HMCN2: variants seen among roughly 807,000 people sequenced by gnomAD.
HMCN2 encodes the protein hemicentin-2.
A neutral mutation model predicts 377.5 loss-of-function variants in HMCN2; 325 were observed. The ratio of observed to expected loss-of-function variants is 0.86; its 90% CI spans 0.79 to 0.94. The LOEUF is 0.94. Ranked by LOEUF, HMCN2 falls within the 40% of genes least tolerant of loss-of-function variation. HMCN2 has a pLI of 0.00. For missense variants in HMCN2, 4,543 were observed against 4,725.3 expected, an observed-to-expected ratio of 0.96 and a Z score of 1.13; for synonymous variants, 2,007 against 2,046.8, an observed-to-expected ratio of 0.98 and a Z score of 0.53.
At chr9:130,420,731 T>C (rs1351571471) in intron 86 of HMCN2, among the ~76,000 whole-genome samples, 3 of 152,072 alleles carry the variant, frequency 2.0e-5, no homozygotes, top group Non-Finnish European at 4.4e-5. Flanking sequence ...TCCCTATTTA[T>C]AAGGACACAG....
chr9:130,295,986 C>G (rs7045667), intron 6 of HMCN2, among the ~76,000 whole-genome samples: 95,982 of 152,106 alleles, frequency 0.63, 30,993 homozygotes, highest in East Asian at 0.85. Context: ...TTTGGGGTTA[C>G]TTTGGGAACA....
intron 73 of HMCN2, among the ~76,000 whole-genome samples, chr9:130,396,935 C>G (rs1162029413): frequency 6.6e-6 from 1 of 152,210 alleles, no homozygotes; most frequent in African/African-American, 2.4e-5. Context: ...TGGAGATGCC[C>G]AAAGCAGCCC....
chr9:130,375,925 G>A lies in HMCN2; in HGVS notation c.7854G>A (p.Gln2618=), dbSNP rs1841352743. Residue 2618 remains glutamine (Q), a synonymous_variant, in exon 51 of 98, where the codon CAG becomes CAA. Transcript: ENST00000683500. ...ILNAQKEDAG[Q]YTCVVTNELG... ...ATGCCCAGAAGGAAGATGCTGGCCAGTACACCTGCGTGGTCACCAATGAGC... is the reference window on the plus strand; with the variant it reads ...ATGCCCAGAAGGAAGATGCTGGCCAATACACCTGCGTGGTCACCAATGAGC... 1 of 985,972 alleles carries A rather than the reference G, an allele frequency of 1.0e-6. No homozygotes were observed. The highest frequency in any genetic ancestry group is 1.2e-6 in the Non-Finnish European group (1 of 830,018). The allele number at this position is 985,972 out of a possible 1,614,324, so 61.1% of individuals were successfully genotyped here.
rs1173595947 is a variant in HMCN2, at chr9:130,310,779, T to TTCCAGTCTCGTCTCTG, written c.2350+722_2350+737dup. ...AGTTTGGTTCAGCTCGGGATGAGAA[T>TTCCAGTCTCGTCTCTG]TCCAGTCTCGTCTCTGTCCCCACCT... is the stretch of plus-strand genomic sequence containing the variant. On this transcript the variant is annotated intron_variant, in intron 15 of 97. Coordinates refer to ENST00000683500, the MANE Select transcript of HMCN2 (RefSeq NM_001291815.2). 2.1e-4 allele frequency among the ~76,000 whole-genome samples: 32 copies of TTCCAGTCTCGTCTCTG among 152,268 alleles called. 1 individual carries two copies. Among genetic ancestry groups the TTCCAGTCTCGTCTCTG allele is most frequent in the African/African-American group, 7.7e-4 (32 of 41,546 alleles).
intron 30 of HMCN2, among the ~76,000 whole-genome samples, chr9:130,352,558 T>A (rs1428932268): frequency 6.6e-6 from 1 of 152,194 alleles, no homozygotes; most frequent in Non-Finnish European, 1.5e-5. Flanking sequence ...GCATCGGTGG[T>A]GAGTGACCAG....
chr9:130,289,135 G>T (rs557232266), intron 4 of HMCN2, among the ~76,000 whole-genome samples: 3 of 152,196 alleles, frequency 2.0e-5, no homozygotes, highest in African/African-American at 7.2e-5. Context: ...AAGCCCCTCT[G>T]TCTTTTTTTC....
chr9:130,274,893 G>T (rs2131230108), intron 1 of HMCN2, among the ~76,000 whole-genome samples: 1 of 152,236 alleles, frequency 6.6e-6, no homozygotes, highest in East Asian at 1.9e-4. Context: ...TCCCCCTACT[G>T]TGGAAAATAG....
At chr9:130,306,985 C>G (rs1836902330) in intron 13 of HMCN2, 47 bp downstream of exon 13, 1 of 429,350 alleles carries the variant, frequency 2.3e-6, no homozygotes, top group South Asian at 1.7e-5. Flanking sequence ...GCCTCCTTCC[C>G]TCCCTCCTCC....
chr9:130,430,182 C>G, intron 94 of HMCN2, 102 bp from the exon 95 acceptor site: 2 of 997,390 alleles, frequency 2.0e-6, no homozygotes, highest in South Asian at 3.3e-5. Flanking sequence ...TGGCTGGATT[C>G]TAGGGAATGC....
intron 25 of HMCN2, among the ~76,000 whole-genome samples, chr9:130,344,863 G>T (rs1839262724): frequency 6.9e-6 from 1 of 144,908 alleles, no homozygotes; most frequent in Admixed American, 6.9e-5. Flanking sequence ...TATATATGTT[G>T]TGTGTGTGGT....
chr9:130,276,222 A>G (rs1361725564), intron 1 of HMCN2, among the ~76,000 whole-genome samples: 3 of 152,032 alleles, frequency 2.0e-5, no homozygotes, highest in African/African-American at 7.2e-5. Context: ...TCAATTCTCA[A>G]GGGTCCCCTG....
chr9:130,347,253 G>A lies in HMCN2; in HGVS notation c.3917G>A (p.Gly1306Glu), dbSNP rs1839438038. The A allele has an allele frequency of 6.6e-6, 1 of 152,180 alleles. No individual in the cohort carries two copies. The highest frequency in any genetic ancestry group is 1.5e-5 in the Non-Finnish European group (1 of 68,032). The allele number at this position is 152,180 out of a possible 1,614,324, so 9.4% of individuals were successfully genotyped here. The change falls in exon 26 of 98, where the codon GGG becomes GAG. Residue 1306 changes from glycine to glutamate, a missense_variant. Gly to Glu is a moderately conservative substitution (Grantham distance 98). Around this residue, in one of 5 missense-constraint regions of HMCN2, gnomAD observed 547 missense variants for 189.9 expected, o/e 2.88. Transcript: ENST00000683500. The surrounding 1 kb of genome is among the most constrained non-coding windows in gnomAD (Gnocchi z 5.1). ...GQPGVAVLEE[G>E]SLFLASVSPA... ...CCAGGTGTGGCAGTGCTGGAGGAGG[G>A]GTCTCTGTTCCTGGCCTCCGTCTCA...
rs1288849349 is a variant in HMCN2 at position 130,360,732 on chromosome 9, T to A, written c.5950+128T>A. On this transcript the variant is annotated intron_variant, in intron 38 of 97. Coordinates refer to ENST00000683500, the MANE Select transcript of HMCN2 (RefSeq NM_001291815.2). This position sits in a 1 kb window ranked among gnomAD's most constrained non-coding sequence, Gnocchi z 4.7. ...ACCACCCCATCCATCCGTTACCCCA[T>A]CCATCCATCATCCATCCAACCATCC... 5.0e-6 allele frequency: 2 copies of A among 401,726 alleles called. No homozygotes were observed. The highest frequency in any genetic ancestry group is 8.9e-5 in the Admixed American group (2 of 22,550). The allele number at this position is 401,726 out of a possible 1,614,324, so 24.9% of individuals were successfully genotyped here. A position where few individuals can be genotyped will look rare whatever the true frequency, so the allele number is the denominator to read the frequency against.
intron 62 of HMCN2, among the ~76,000 whole-genome samples, chr9:130,388,794 C>T (rs772949401): frequency 6.6e-6 from 1 of 152,112 alleles, no homozygotes; most frequent in Non-Finnish European, 1.5e-5. Flanking sequence ...TCAGTCAGCT[C>T]CCATGAGACA....
chr9:130,379,377 T>G lies in HMCN2; in HGVS notation c.8341T>G (p.Cys2781Gly), dbSNP rs1412014806. ...GGAGAACAACCCAGCCTACCTGTAC[T>G]GCGACACCAACGCGATCCCACCCCC... ...IVENNPAYLY[C>G]DTNAIPPPDL... Residue 2781 changes from cysteine (C) to glycine (G), a missense_variant, in exon 54 of 98, where the codon TGC becomes GGC. This residue lies in a region of HMCN2 where 736 missense variants were observed against 773.2 expected (regional missense o/e 0.95). Coordinates refer to ENST00000683500, the MANE Select transcript of HMCN2 (RefSeq NM_001291815.2). 2.0e-6 allele frequency: 2 copies of G among 985,682 alleles called. No homozygotes were observed. The highest frequency in any genetic ancestry group is 2.3e-4 in the East Asian group (2 of 8,822). 61.1% of individuals were successfully genotyped at this position (985,682 alleles called of 1,614,324 possible). A position where few individuals can be genotyped will look rare whatever the true frequency, so the allele number is the denominator to read the frequency against.
chr9:130,390,425 C>T (rs1404968363), intron 62 of HMCN2, among the ~76,000 whole-genome samples: 2 of 152,180 alleles, frequency 1.3e-5, no homozygotes, highest in Admixed American at 6.5e-5. Context: ...GGGGCAGTTG[C>T]TCGTGTCTTT....
chr9:130,433,004 C>T (rs964505008), intron 97 of HMCN2: 5 of 387,126 alleles, frequency 1.3e-5, no homozygotes, highest in African/African-American at 4.2e-5. Context: ...GCAGTCTCCA[C>T]CTCCAACCCC....
chr9:130,322,380 A>G lies in HMCN2; in HGVS notation c.2920+449A>G, dbSNP rs1032824047. ...TATCTATCCATCTGTCTATCTATCT[A>G]TCTATCCATCTAATCTATCTACCTG... is the stretch of plus-strand genomic sequence containing the variant. On this transcript the variant is annotated intron_variant, in intron 19 of 97. Coordinates refer to ENST00000683500, the MANE Select transcript of HMCN2 (RefSeq NM_001291815.2). 4.4e-3 allele frequency among the ~76,000 whole-genome samples: 669 copies of G among 152,204 alleles called. 5 individuals are homozygous for G. Among genetic ancestry groups the G allele is most frequent in the African/African-American group, 0.015 (635 of 41,502 alleles).
chr9:130,312,277 A>C (rs1432366175), intron 15 of HMCN2, among the ~76,000 whole-genome samples: 3 of 151,850 alleles, frequency 2.0e-5, no homozygotes, highest in African/African-American at 7.3e-5. Flanking sequence ...CATTGCCAAA[A>C]TGAGACGTTG....
Sources: gnomAD v4.1 joint callset for allele counts (sites outside exome capture counted in the v4.1 genomes callset) on GRCh38, gnomAD v4.1.1 for gene constraint, gnomAD v4.1.1 regional missense constraint, Gnocchi (gnomAD v3.1) non-coding constraint, MANE v1.5 for transcripts, NCBI Gene and HGNC (gene_info 2026-07-23, HGNC 2026-07-21) for gene names.